DPP6: variants seen among roughly 807,000 people sequenced by gnomAD.
DPP6 encodes A-type potassium channel modulatory protein DPP6.
DPP6 carries 69 observed loss-of-function variants against 122.6 expected under a neutral mutation model. That is an observed-to-expected ratio of 0.56 (90% CI 0.46 to 0.69). DPP6 has a LOEUF of 0.69. Ranked by LOEUF, DPP6 falls within the 30% of genes least tolerant of loss-of-function variation. The pLI, the probability that DPP6 is intolerant of heterozygous loss-of-function variation, is 0.00. For synonymous variants in DPP6, 418 were observed against 433.1 expected (o/e 0.97, Z 0.43); for missense variants, 928 against 1,116.9 (o/e 0.83, Z 2.41).
chr7:153,919,998 CTTATTGAT>C, intron 1 of DPP6, among the ~76,000 whole-genome samples: 1 of 152,308 alleles, frequency 6.6e-6, no homozygotes, highest in African/African-American at 2.4e-5. Flanking sequence ...GTAGCATGAG[CTTATTGAT>C]TTAGTTTTAC....
chr7:154,380,066 T>C (rs1340002564), intron 1 of DPP6, among the ~76,000 whole-genome samples: 3 of 151,764 alleles, frequency 2.0e-5, no homozygotes, highest in Non-Finnish European at 4.4e-5. Context: ...CAAAAAGTAA[T>C]GAGGTTGAGG....
At chr7:154,171,967 A>G (rs1797553944) in intron 1 of DPP6, among the ~76,000 whole-genome samples, 1 of 152,152 alleles carries the variant, frequency 6.6e-6, no homozygotes. Flanking sequence ...ATGAAACAGT[A>G]TTACTCTCCT....
At chr7:153,848,301 A>T in the DPP6 span, among the ~76,000 whole-genome samples, 17 of 131,582 alleles carry the variant, frequency 1.3e-4, no homozygotes, top group East Asian at 7.8e-4. Context: ...CCGAGAGAGC[A>T]GTCCTGCACG....
intron 1 of DPP6, among the ~76,000 whole-genome samples, chr7:154,366,684 A>G (rs181860630): frequency 4.3e-4 from 65 of 152,326 alleles, no homozygotes; most frequent in Non-Finnish European, 1.9e-4. Context: ...AATGTTTTAA[A>G]TCAACAGGTT....
intron 1 of DPP6, among the ~76,000 whole-genome samples, chr7:154,316,438 C>CT (rs1255792909): frequency 2.0e-5 from 3 of 152,180 alleles, no homozygotes; most frequent in Non-Finnish European, 4.4e-5. Context: ...CACCAAAGCC[C>CT]TTTTTTGTTG....
intron 16 of DPP6, among the ~76,000 whole-genome samples, chr7:154,814,795 T>C (rs1317475070): frequency 6.6e-6 from 1 of 152,212 alleles, no homozygotes; most frequent in Non-Finnish European, 1.5e-5. Flanking sequence ...CTTGGCATTT[T>C]TTGACTTACC....
intron 1 of DPP6, among the ~76,000 whole-genome samples, chr7:154,063,056 G>A (rs1415499677): frequency 7.6e-6 from 1 of 132,010 alleles, no homozygotes. Flanking sequence ...CACCCCCCAC[G>A]AGAGTGGGGA....
chr7:154,381,003 G>A (rs2151141728), intron 1 of DPP6, among the ~76,000 whole-genome samples: 1 of 152,340 alleles, frequency 6.6e-6, no homozygotes, highest in African/African-American at 2.4e-5. Flanking sequence ...ATGCCATCTG[G>A]ACTGTCTCAT....
At chr7:154,024,009 A>C (rs554200403) in intron 1 of DPP6, among the ~76,000 whole-genome samples, 1 of 152,272 alleles carries the variant, frequency 6.6e-6, no homozygotes, top group East Asian at 1.9e-4. Context: ...ATGACCTTTG[A>C]AGTTCTGATT....
At chr7:154,127,597 TCACACACACACACA>T (rs71182879) in intron 1 of DPP6, among the ~76,000 whole-genome samples, 33 of 136,806 alleles carry the variant, frequency 2.4e-4, no homozygotes, top group African/African-American at 6.7e-4. Context: ...GAGCAGCATC[TCACACACACACACA>T]CACACACACA....
At chr7:154,540,256 C>G (rs1828608369) in intron 3 of DPP6, among the ~76,000 whole-genome samples, 1 of 152,082 alleles carries the variant, frequency 6.6e-6, no homozygotes, top group Non-Finnish European at 1.5e-5. Context: ...TTAATCTGCT[C>G]TTTGTGTCCT....
the DPP6 span, among the ~76,000 whole-genome samples, chr7:153,785,156 A>G: frequency 6.6e-6 from 1 of 152,170 alleles, no homozygotes; most frequent in Admixed American, 6.5e-5. Context: ...TTAGATCCTC[A>G]GGAGGGACAC....
intron 1 of DPP6, among the ~76,000 whole-genome samples, chr7:154,129,538 G>A (rs1317756912): frequency 1.3e-5 from 2 of 152,166 alleles, no homozygotes; most frequent in South Asian, 2.1e-4. Context: ...TGAGATAGGC[G>A]GATTGCTTCA....
At chr7:153,859,222 T>C in the DPP6 span, among the ~76,000 whole-genome samples, 2 of 152,090 alleles carry the variant, frequency 1.3e-5, no homozygotes, top group South Asian at 4.2e-4. Flanking sequence ...CTGGATAAGA[T>C]GGAGAGGGCT....
chr7:153,887,782 G>C, intron 1 of DPP6: 1 of 1,600,430 alleles, frequency 6.2e-7, no homozygotes, highest in Non-Finnish European at 8.5e-7. Flanking sequence ...GACCCACCGT[G>C]AGGAGCGATG....
At chr7:154,633,187 A>G (rs1475395292) in intron 5 of DPP6, among the ~76,000 whole-genome samples, 1 of 152,130 alleles carries the variant, frequency 6.6e-6, no homozygotes, top group African/African-American at 2.4e-5. Flanking sequence ...TGTATTTTTT[A>G]TGATCAGAAA....
chr7:153,806,802 G>A, the DPP6 span, among the ~76,000 whole-genome samples: 1 of 151,840 alleles, frequency 6.6e-6, no homozygotes, highest in South Asian at 2.1e-4. Flanking sequence ...TTGTGTGGGT[G>A]AAGGTTGACC....
At chr7:153,829,286 G>A in the DPP6 span, among the ~76,000 whole-genome samples, 1 of 152,086 alleles carries the variant, frequency 6.6e-6, no homozygotes, top group Admixed American at 6.5e-5. Context: ...CGATCTCGGG[G>A]CTCACTGCAA....
chr7:153,981,747 A>G (rs1309264260), intron 1 of DPP6, among the ~76,000 whole-genome samples: 1 of 152,190 alleles, frequency 6.6e-6, no homozygotes, highest in Non-Finnish European at 1.5e-5. Context: ...GGTGGTGACA[A>G]AATCTCTCAG....
Sources: gnomAD v4.1 joint callset for allele counts (sites outside exome capture counted in the v4.1 genomes callset) on GRCh38, gnomAD v4.1.1 for gene constraint, MANE v1.5 for transcripts, NCBI Gene and HGNC (gene_info 2026-07-23, HGNC 2026-07-21) for gene names.